MAX: variants seen among roughly 807,000 people sequenced by gnomAD.
MAX encodes MYC associated transcriptional regulator X, also known as protein max.
In MAX, 3 loss-of-function variants were observed where a neutral mutation model predicts 22.3. The observed-to-expected ratio is 0.13, with a 90% CI of 0.06 to 0.35. MAX has a LOEUF of 0.35. Ranked by LOEUF, MAX falls within the 10% of genes least tolerant of loss-of-function variation. MAX has a pLI of 1.00. For synonymous variants in MAX, 72 were observed against 77.7 expected (o/e 0.93, Z 0.39); for missense variants, 119 against 209.4 (o/e 0.57, Z 2.66).
intron 3 of MAX, among the ~76,000 whole-genome samples, chr14:65,036,240 A>T (rs2062190046): frequency 6.6e-6 from 1 of 151,598 alleles, no homozygotes; most frequent in South Asian, 2.1e-4. Flanking sequence ...ATTTAATTTA[A>T]TTTATTTATT....
chr14:65,094,987 A>G (rs2063619061), intron 2 of MAX, among the ~76,000 whole-genome samples: 1 of 152,262 alleles, frequency 6.6e-6, no homozygotes, highest in African/African-American at 2.4e-5. Context: ...ATGGAACAAG[A>G]GTAAATAACT....
chr14:65,022,027 A>G (rs766619695), intron 3 of MAX: 2 of 456,060 alleles, frequency 4.4e-6, no homozygotes, highest in South Asian at 3.1e-5. Context: ...GAAGAGTCAA[A>G]TAACACGTCT....
In MAX at chr14:65,027,320, A is replaced by T; in HGVS notation, c.172-21036T>A. On this transcript the variant is annotated intron_variant, in intron 3 of 3. Transcript: ENST00000341653. The surrounding 1 kb of genome is among the most constrained non-coding windows in gnomAD (Gnocchi z 5.7). ...CTTTGGGGAGAGGTTATATTCAACA[A>T]GTGGGAGGAGAGGTTCCCCTCAACT... is the stretch of plus-strand genomic sequence containing the variant. The T allele has an allele frequency of 7.2e-7, 1 of 1,394,194 alleles. No homozygotes were observed. The allele number at this position is 1,394,194 out of a possible 1,614,324, so 86.4% of individuals were successfully genotyped here.
chr14:65,022,257 A>G (rs1242088864), intron 3 of MAX: 1 of 310,708 alleles, frequency 3.2e-6, no homozygotes, highest in Non-Finnish European at 6.4e-6. Flanking sequence ...GACTGTTCCT[A>G]TTTCCAAAGC....
intron 3 of MAX, chr14:65,061,808 T>TG (rs2062870057): frequency 6.5e-6 from 1 of 154,840 alleles, no homozygotes; most frequent in South Asian, 2.0e-4. Flanking sequence ...CACCAGGAGG[T>TG]GCCTCTGCCT....
chr14:65,101,669 C>T (rs1352147877), intron 1 of MAX, 97 bp from the exon 2 acceptor site: 5 of 966,200 alleles, frequency 5.2e-6, no homozygotes, highest in Non-Finnish European at 6.4e-6. Context: ...GCAGAGGAAG[C>T]GGAGGGTGGG....
intron 3 of MAX, among the ~76,000 whole-genome samples, chr14:65,052,307 G>A (rs958884553): frequency 2.0e-5 from 3 of 152,054 alleles, no homozygotes; most frequent in African/African-American, 4.8e-5. Flanking sequence ...GTAGAAAAAC[G>A]CATAGAACCA....
At chr14:65,052,247 C>T (rs1012806564) in intron 3 of MAX, among the ~76,000 whole-genome samples, 1 of 151,958 alleles carries the variant, frequency 6.6e-6, no homozygotes, top group African/African-American at 2.4e-5. Flanking sequence ...AAAATTTATG[C>T]CTATAGTGGT....
At chr14:65,019,690 A>G (rs1191478665) in intron 3 of MAX, among the ~76,000 whole-genome samples, 1 of 152,178 alleles carries the variant, frequency 6.6e-6, no homozygotes, top group Non-Finnish European at 1.5e-5. Context: ...TCTTCTACGC[A>G]TTGATTTAGT....
In MAX at chr14:65,101,495, AG is replaced by A. The variant is rs750918661; in HGVS notation, c.63+50del. On this transcript the variant is annotated intron_variant, in intron 2 of 4. Transcript: ENST00000358664. ...TCTCTTTTTCTCTCTGACCCCAAAA[AG>A]GAATAGAACTGAACGGAAATAAAAA... 4.6e-6 allele frequency: 7 copies of A among 1,512,002 alleles called. No homozygotes were observed. In the African/African-American group the frequency reaches 9.7e-5, roughly 21 times the overall value. The allele number at this position is 1,512,002 out of a possible 1,614,324, so 93.7% of individuals were successfully genotyped here.
intron 3 of MAX, among the ~76,000 whole-genome samples, chr14:65,059,329 G>GC (rs200028962): frequency 5.4e-4 from 82 of 150,710 alleles, no homozygotes; most frequent in African/African-American, 1.8e-3. Flanking sequence ...CCCCGCACTA[G>GC]CCCCTTTTTT....
chr14:65,094,838 C>A (rs1236233620), intron 2 of MAX, among the ~76,000 whole-genome samples: 1 of 152,230 alleles, frequency 6.6e-6, no homozygotes, highest in South Asian at 2.1e-4. Context: ...CACCTACACT[C>A]TAGGAATTAC....
chr14:65,052,484 G>A (rs890498213), intron 3 of MAX, among the ~76,000 whole-genome samples: 9 of 152,074 alleles, frequency 5.9e-5, no homozygotes, highest in African/African-American at 1.4e-4. Context: ...ATTTTTAATC[G>A]ATTTCTATGC....
chr14:65,015,409 T>G (rs1050233266), intron 3 of MAX: 2 of 397,154 alleles, frequency 5.0e-6, no homozygotes, highest in East Asian at 7.6e-5. Flanking sequence ...AGCCTTGTTA[T>G]CTTTTTTTTT....
At position 65,011,890 on chromosome 14, in the gene MAX, A is replaced by G. The variant is rs925845673; in HGVS notation, c.172-5606T>C. ...TGGAGAAGTCATCCCAGACGGGGTGACTGAAATGACAGCGGCTGAGGCAGG... is the reference window on the plus strand; with the variant it reads ...TGGAGAAGTCATCCCAGACGGGGTGGCTGAAATGACAGCGGCTGAGGCAGG... On this transcript the variant is annotated intron_variant, in intron 3 of 3. Coordinates refer to the MAX transcript ENST00000341653. This position sits in a 1 kb window ranked among gnomAD's most constrained non-coding sequence, Gnocchi z 4.0. Among the ~76,000 whole-genome samples, 2 of 152,070 alleles carry G rather than the reference A, an allele frequency of 1.3e-5. No individual in the cohort carries two copies. Among genetic ancestry groups the G allele is most frequent in the Admixed American group, 6.6e-5 (1 of 15,266 alleles).
At chr14:65,010,164 C>T (rs1244876311) in intron 3 of MAX, among the ~76,000 whole-genome samples, 3 of 152,202 alleles carry the variant, frequency 2.0e-5, no homozygotes, top group Non-Finnish European at 4.4e-5. Context: ...GAAATTCTCT[C>T]CTCCCTGATG....
At position 65,084,059 on chromosome 14, in the gene MAX, GCC is replaced by G; in HGVS notation, c.172-6025_172-6024del. The G allele has an allele frequency of 6.3e-7, 1 of 1,594,386 alleles. No individual in the cohort carries two copies. ...TCCTTGAAGGCTTCCTGCTGCCAGG[GCC>G]TCCCCAGCCACAGGACCATTTTGCT... On this transcript the variant is annotated intron_variant, in intron 3 of 4. Transcript: ENST00000358664. The surrounding 1 kb of genome is among the most constrained non-coding windows in gnomAD (Gnocchi z 4.3).
At chr14:65,010,667 T>G (rs1289869654) in intron 3 of MAX, among the ~76,000 whole-genome samples, 1 of 152,220 alleles carries the variant, frequency 6.6e-6, no homozygotes, top group Non-Finnish European at 1.5e-5. Flanking sequence ...TCTTTCCTCA[T>G]CTCAAAAACC....
Position 65,054,578 on chromosome 14 carries a change from G to T in MAX, c.171+39130C>A. On this transcript the variant is annotated intron_variant, in intron 3 of 3. Transcript: ENST00000341653. This position sits in a 1 kb window ranked among gnomAD's most constrained non-coding sequence, Gnocchi z 4.4. Reference sequence around the variant, plus strand: ...TCAGAGCTGCCTGTCCTTACAGGTCGCGTGATTTCTACCACACCTGCTACT... The same window carrying T: ...TCAGAGCTGCCTGTCCTTACAGGTCTCGTGATTTCTACCACACCTGCTACT... 1.9e-6 allele frequency: 3 copies of T among 1,612,602 alleles called. No homozygotes were observed. Among genetic ancestry groups the T allele is most frequent in the Non-Finnish European group, 2.5e-6 (3 of 1,179,454 alleles).
Sources: gnomAD v4.1 joint callset for allele counts (sites outside exome capture counted in the v4.1 genomes callset) on GRCh38, gnomAD v4.1.1 for gene constraint, Gnocchi (gnomAD v3.1) non-coding constraint, MANE v1.5 for transcripts, NCBI Gene and HGNC (gene_info 2026-07-23, HGNC 2026-07-21) for gene names.